The following ZNF184 variants were observed in gnomAD, a reference collection of about 807,000 sequenced individuals.
ZNF184 encodes zinc finger protein 184.
A neutral mutation model predicts 54.4 loss-of-function variants in ZNF184; 16 were observed. The observed-to-expected ratio is 0.29, with a 90% CI of 0.20 to 0.45. ZNF184 has a LOEUF of 0.45. Ranked by LOEUF, ZNF184 falls within the 20% of genes least tolerant of loss-of-function variation. The pLI, the probability that ZNF184 is intolerant of heterozygous loss-of-function variation, is 1.00. For missense variants in ZNF184, 681 were observed against 888.2 expected (o/e 0.77, Z 2.97); for synonymous variants, 254 against 295.3 (o/e 0.86, Z 1.43).
At position 27,452,582 on chromosome 6, in the gene ZNF184, C is replaced by A; in HGVS notation, c.977G>T (p.Arg326Ile). The A allele has an allele frequency of 1.2e-6, 2 of 1,613,964 alleles. No individual in the cohort carries two copies. Among genetic ancestry groups the A allele is most frequent in the Non-Finnish European group, 1.7e-6 (2 of 1,179,990 alleles). ...SQRTHLVQHQ[R>I]IHTGEKPYTC... ...GTATGGCTTCTCGCCAGTATGAATT[C>A]TCTGATGCTGAACAAGATGGGTCCT... The change falls in exon 6 of 6, where the codon AGA (arginine) becomes ATA (isoleucine). Residue 326 changes from arginine to isoleucine, a missense_variant. By Grantham distance (97) the Arg-to-Ile change is moderately conservative. Transcript: ENST00000683788. This position sits in a 1 kb window ranked among gnomAD's most constrained non-coding sequence, Gnocchi z 5.5.
At chr6:27,460,170 G>A (rs1358687632) in intron 3 of ZNF184, among the ~76,000 whole-genome samples, 4 of 152,034 alleles carry the variant, frequency 2.6e-5, no homozygotes, top group Non-Finnish European at 5.9e-5. Context: ...TTATGAATAG[G>A]AAGAACGTTT....
At chr6:27,434,223 C>A in the ZNF184 span, among the ~76,000 whole-genome samples, 1 of 152,084 alleles carries the variant, frequency 6.6e-6, no homozygotes, top group Non-Finnish European at 1.5e-5. Flanking sequence ...ATGTGGTAAT[C>A]CTGTTTAACT....
At chr6:27,449,362 T>C (rs1450913037), downstream of ZNF184, among the ~76,000 whole-genome samples, 1 of 152,252 alleles carries the variant, frequency 6.6e-6, no homozygotes, top group African/African-American at 2.4e-5. Context: ...GTCAGTTTGT[T>C]AGCAAATGTT....
Position 27,472,165 on chromosome 6 carries a change from A to C in ZNF184, c.7+123T>G. The C allele has an allele frequency of 2.3e-6, 3 of 1,310,300 alleles. No homozygotes were observed. Among genetic ancestry groups the C allele is most frequent in the Non-Finnish European group, 3.2e-6 (3 of 944,164 alleles). 81.2% of individuals were successfully genotyped at this position (1,310,300 alleles called of 1,614,324 possible). A position where few individuals can be genotyped will look rare whatever the true frequency, so the allele number is the denominator to read the frequency against. ...TACAATGTAATTCGGTTTCTTTGCTAATCCCTAAGCATACCGTTCCTTCCT... is the reference window on the plus strand; with the variant it reads ...TACAATGTAATTCGGTTTCTTTGCTCATCCCTAAGCATACCGTTCCTTCCT... On this transcript the variant is annotated intron_variant, in intron 2 of 5. Coordinates refer to ENST00000683788, the MANE Select transcript of ZNF184 (RefSeq NM_001318891.2). The surrounding 1 kb of genome is among the most constrained non-coding windows in gnomAD (Gnocchi z 4.8).
At chr6:27,442,848 AAG>A in the ZNF184 span, among the ~76,000 whole-genome samples, 18 of 70,540 alleles carry the variant, frequency 2.6e-4, no homozygotes, top group African/African-American at 5.7e-4. Flanking sequence ...GAAAGAAAGA[AAG>A]AAAGAAAGAA....
chr6:27,456,915 T>C lies in ZNF184; in HGVS notation c.209A>G (p.Gln70Arg). 1 of 1,613,994 alleles carries C rather than the reference T, an allele frequency of 6.2e-7. No individual in the cohort carries two copies. Among genetic ancestry groups the C allele is most frequent in the Non-Finnish European group, 8.5e-7 (1 of 1,179,932 alleles). ...NYTHLVSIGL[Q>R]VSKPDVISQL... Reference sequence around the variant, plus strand: ...GGAAATCACATCAGGTTTAGAAACTTGGAGTCCTGTTCATTAGGGAAAAAA... The same window carrying C: ...GGAAATCACATCAGGTTTAGAAACTCGGAGTCCTGTTCATTAGGGAAAAAA... Residue 70 changes from glutamine to arginine, a missense_variant, in exon 5 of 6, where the codon CAA becomes CGA. By Grantham distance (43) the Gln-to-Arg change is conservative (BLOSUM62 1). Coordinates refer to ENST00000683788, the MANE Select transcript of ZNF184 (RefSeq NM_001318891.2).
the ZNF184 span, among the ~76,000 whole-genome samples, chr6:27,424,045 T>C: frequency 1.3e-5 from 2 of 152,196 alleles, no homozygotes; most frequent in Admixed American, 6.5e-5. Context: ...CGGTGAGCGT[T>C]ACAACTCCTA....
At chr6:27,424,304 G>A in the ZNF184 span, among the ~76,000 whole-genome samples, 3 of 152,210 alleles carry the variant, frequency 2.0e-5, no homozygotes, top group Admixed American at 6.5e-5. Context: ...CAAAGAGTAA[G>A]CAGCAGCAAG....
At chr6:27,461,158 A>T (rs1386305459) in intron 3 of ZNF184, among the ~76,000 whole-genome samples, 1 of 152,184 alleles carries the variant, frequency 6.6e-6, no homozygotes, top group Non-Finnish European at 1.5e-5. Context: ...TGTGATCAGC[A>T]ACCTTTATGA....
chr6:27,444,079 C>T, the ZNF184 span, among the ~76,000 whole-genome samples: 1 of 152,164 alleles, frequency 6.6e-6, no homozygotes. Context: ...ACCCTCCAAT[C>T]CTACATTTCT....
In ZNF184 at chr6:27,465,016, C is replaced by CAAAAAA. The variant is rs61602778; in HGVS notation, c.75+2831_75+2836dup. Among the ~76,000 whole-genome samples the CAAAAAA allele has an allele frequency of 5.7e-3, 281 of 48,910 alleles. 38 individuals carry two copies. Among genetic ancestry groups the CAAAAAA allele is most frequent in the African/African-American group, 0.029 (255 of 8,690 alleles). The allele number at this position is 48,910 out of a possible 152,430, so 32.1% of individuals were successfully genotyped here. A position where few individuals can be genotyped will look rare whatever the true frequency, so the allele number is the denominator to read the frequency against. ...TGGGCGACAGAGCAAGACTCTGTCT[C>CAAAAAA]AAAAAAAAAAAAAAAAAAAAATAGA... On this transcript the variant is annotated intron_variant, in intron 3 of 5. Coordinates refer to ENST00000683788, the MANE Select transcript of ZNF184 (RefSeq NM_001318891.2).
chr6:27,442,838 GAAAGAAAGAAAGAAAGAAAGAAAGAA>G, the ZNF184 span, among the ~76,000 whole-genome samples: 4 of 51,866 alleles, frequency 7.7e-5, no homozygotes, highest in African/African-American at 3.2e-4. Flanking sequence ...AAGAAAGAAA[GAAAGAAAGAAAGAAAGAAAGAAAGAA>G]AGAAAGAAAG....
the ZNF184 span, among the ~76,000 whole-genome samples, chr6:27,423,230 G>A: frequency 1.3e-5 from 2 of 152,328 alleles, no homozygotes; most frequent in Non-Finnish European, 2.9e-5. Flanking sequence ...CCCCGTGTGA[G>A]GTCATCGGCT....
chr6:27,451,318 C>T lies in ZNF184; in HGVS notation c.2241G>A (p.Leu747=), dbSNP rs778487560. The T allele has an allele frequency of 6.9e-6, 11 of 1,592,466 alleles. No individual in the cohort carries two copies. In the South Asian group the frequency reaches 1.1e-4, roughly 16 times the overall value. ...CCTAGAATTGTCATATGCCAGGATG[C>T]AGTCTCTGATGTTTGTTGAGAGCAG... ...YRSALNKHQR[L]HPGI Residue 747 remains leucine, a synonymous_variant, in exon 6 of 6, where the codon CTG becomes CTA. Transcript: ENST00000683788.
At chr6:27,431,728 G>T in the ZNF184 span, among the ~76,000 whole-genome samples, 2 of 152,106 alleles carry the variant, frequency 1.3e-5, no homozygotes, top group Non-Finnish European at 2.9e-5. Context: ...TTTCTATAGG[G>T]AAACAATTTG....
chr6:27,417,229 T>C, the ZNF184 span, among the ~76,000 whole-genome samples: 197 of 152,298 alleles, frequency 1.3e-3, no homozygotes, highest in African/African-American at 4.6e-3. Flanking sequence ...TTACTGCACA[T>C]TGCAAAGCAA....
chr6:27,472,298 A>G lies in ZNF184; in HGVS notation c.-4T>C. ...AGTCGACCCCACTACCTTCCATCTCAGGAGCTCATCCCGTTCCTCTGGAAC... is the reference window on the plus strand; with the variant it reads ...AGTCGACCCCACTACCTTCCATCTCGGGAGCTCATCCCGTTCCTCTGGAAC... On this transcript the variant is annotated 5_prime_UTR_variant, in exon 2 of 6. An upstream open reading frame in the 5' UTR loses its in-frame stop. Transcript: ENST00000683788. This position sits in a 1 kb window ranked among gnomAD's most constrained non-coding sequence, Gnocchi z 4.8. 6.2e-7 allele frequency: 1 copy of G among 1,613,956 alleles called. No homozygotes were observed. Among genetic ancestry groups the G allele is most frequent in the Non-Finnish European group, 8.5e-7 (1 of 1,179,944 alleles).
chr6:27,470,228 C>T (rs1245723605), intron 2 of ZNF184, among the ~76,000 whole-genome samples: 1 of 151,274 alleles, frequency 6.6e-6, no homozygotes, highest in Non-Finnish European at 1.5e-5. Flanking sequence ...TGCAATAATC[C>T]TGAGTGTGAA....
chr6:27,451,373 T>C lies in ZNF184; in HGVS notation c.2186A>G (p.Asn729Ser), dbSNP rs370950318. ...ATATCTGAAGGATTTTCCACAATCA[T>C]TACATCCAAAAGGCTTCTCTCCTGA... The part of the protein sequence containing the change: ...IHSGEKPFGC[N>S]DCGKSFRYRS... The change falls in exon 6 of 6, where the codon AAT (asparagine) becomes AGT (serine). Residue 729 changes from asparagine to serine, a missense_variant. Physicochemically the swap from Asn to Ser is conservative, Grantham distance 46. Transcript: ENST00000683788. 1.2e-6 allele frequency: 2 copies of C among 1,614,082 alleles called. No individual in the cohort carries two copies. The highest frequency in any genetic ancestry group is 1.7e-5 in the Admixed American group (1 of 60,022).
Sources: gnomAD v4.1 joint callset for allele counts (sites outside exome capture counted in the v4.1 genomes callset) on GRCh38, gnomAD v4.1.1 for gene constraint, Gnocchi (gnomAD v3.1) non-coding constraint, MANE v1.5 for transcripts, NCBI Gene and HGNC (gene_info 2026-07-23, HGNC 2026-07-21) for gene names.